CCDC7: variants seen among roughly 807,000 people sequenced by gnomAD.
CCDC7 encodes coiled-coil domain containing 7, also known as coiled-coil domain-containing protein 7.
CCDC7 carries 183 observed loss-of-function variants against 196.9 expected under a neutral mutation model. That is an observed-to-expected ratio of 0.93 (90% confidence interval 0.82 to 1.05). CCDC7 has a LOEUF of 1.05. CCDC7 is among the 50% of genes least tolerant of loss of function. The pLI is 0.00. For missense variants in CCDC7, 1,540 were observed against 1,482.2 expected (o/e 1.04, Z -0.64); for synonymous variants, 525 against 484.6 (o/e 1.08, Z -1.10).
At chr10:32,529,678 G>T (rs1367480440) in intron 11 of CCDC7, among the ~76,000 whole-genome samples, 2 of 152,118 alleles carry the variant, frequency 1.3e-5, no homozygotes, top group Non-Finnish European at 1.5e-5. Context: ...TTAGTCTTTT[G>T]TCAGATGTAT....
intron 15 of CCDC7, 67 bp from the exon 17 acceptor site, chr10:32,571,792 C>T: frequency 7.4e-7 from 1 of 1,359,056 alleles, no homozygotes. Context: ...TGATATTTTT[C>T]TAAATGACTG....
chr10:32,601,982 G>A (rs1454744622), intron 18 of CCDC7, among the ~76,000 whole-genome samples: 5 of 152,156 alleles, frequency 3.3e-5, no homozygotes, highest in East Asian at 1.9e-4. Context: ...CTGGCCACCC[G>A]AGCCAGCAGC....
At chr10:32,865,402 TACACACACACACAC>T (rs57916933) in intron 41 of CCDC7, among the ~76,000 whole-genome samples, 2 of 148,830 alleles carry the variant, frequency 1.3e-5, no homozygotes, top group Admixed American at 6.7e-5. Context: ...ACTCCTATTA[TACACACACACACAC>T]ACACACACAC....
At chr10:32,640,324 T>G (rs1341949314) in intron 20 of CCDC7, among the ~76,000 whole-genome samples, 1 of 152,162 alleles carries the variant, frequency 6.6e-6, no homozygotes, top group East Asian at 1.9e-4. Context: ...TTGATCTTTG[T>G]TGGTTTAAAG....
At chr10:32,762,812 G>GGAGTATT (rs2077663522) in intron 28 of CCDC7, among the ~76,000 whole-genome samples, 1 of 151,644 alleles carries the variant, frequency 6.6e-6, no homozygotes, top group Non-Finnish European at 1.5e-5. Flanking sequence ...ATACTCAAAC[G>GGAGTATT]CAAAATAATG....
chr10:32,692,415 A>G (rs1053238149), intron 23 of CCDC7, among the ~76,000 whole-genome samples: 1 of 152,248 alleles, frequency 6.6e-6, no homozygotes, highest in African/African-American at 2.4e-5. Context: ...TAAATAATAC[A>G]TTAGCATTCT....
At chr10:32,747,595 A>G (rs1435223190) in intron 28 of CCDC7, among the ~76,000 whole-genome samples, 1 of 152,218 alleles carries the variant, frequency 6.6e-6, no homozygotes, top group Non-Finnish European at 1.5e-5. Context: ...GCGGCCAACA[A>G]GCATATGAAA....
chr10:32,625,740 G>T lies in CCDC7; in HGVS notation c.1802-8514G>T, dbSNP rs144529617. 5.9e-5 allele frequency among the ~76,000 whole-genome samples: 9 copies of T among 152,088 alleles called. No homozygotes were observed. In the East Asian group the frequency reaches 1.7e-3, roughly 29 times the overall value. On this transcript the variant is annotated intron_variant, in intron 18 of 41. Transcript: ENST00000639629. ...CATCATCTCTTTATTACCCCCACCT[G>T]CAGCCTGTGCAGCCCCCATTCTGCT...
At chr10:32,558,699 G>A (rs1170171972) in intron 13 of CCDC7, among the ~76,000 whole-genome samples, 5 of 152,190 alleles carry the variant, frequency 3.3e-5, no homozygotes, top group South Asian at 2.1e-4. Context: ...CAAGATGGCC[G>A]AATAGGAACA....
At chr10:32,666,773 CATT>C (rs1334421513) in intron 21 of CCDC7, among the ~76,000 whole-genome samples, 4 of 152,068 alleles carry the variant, frequency 2.6e-5, no homozygotes, top group Non-Finnish European at 5.9e-5. Flanking sequence ...TTCAGTCTAT[CATT>C]GTTGGACATT....
At chr10:32,875,889 T>C (rs1257236085) in intron 41 of CCDC7, among the ~76,000 whole-genome samples, 8 of 152,116 alleles carry the variant, frequency 5.3e-5, no homozygotes, top group Admixed American at 2.6e-4. Context: ...ATATTAAGTA[T>C]ATACATTTTT....
At position 32,492,014 on chromosome 10, in the gene CCDC7, T is replaced by C. The variant is rs750246555; in HGVS notation, c.872+17T>C. 14 of 1,515,028 alleles carry C rather than the reference T, an allele frequency of 9.2e-6. No homozygotes were observed. The highest frequency in any genetic ancestry group is 7.9e-6 in the Non-Finnish European group (9 of 1,138,740). 93.8% of individuals were successfully genotyped at this position (1,515,028 alleles called of 1,614,324 possible). A position where few individuals can be genotyped will look rare whatever the true frequency, so the allele number is the denominator to read the frequency against. On this transcript the variant is annotated intron_variant, in intron 9 of 41. Transcript: ENST00000639629. Reference sequence around the variant, plus strand: ...GTTGGAGAGGTAAGCTTTTTTGTTTTTGCATTTTATTATTTTTCTATTTTT... The same window carrying C: ...GTTGGAGAGGTAAGCTTTTTTGTTTCTGCATTTTATTATTTTTCTATTTTT...
At chr10:32,797,132 TCAA>T (rs755106467) in intron 29 of CCDC7, among the ~76,000 whole-genome samples, 4 of 151,758 alleles carry the variant, frequency 2.6e-5, no homozygotes, top group Non-Finnish European at 5.9e-5. Context: ...TGCCCATCAA[TCAA>T]CGAGTGGATA....
chr10:32,815,289 A>AC (rs1208837032), intron 31 of CCDC7, among the ~76,000 whole-genome samples: 16 of 152,186 alleles, frequency 1.1e-4, no homozygotes, highest in Admixed American at 1.3e-4. Flanking sequence ...GACAATGATT[A>AC]CAAAGTAGTC....
intron 24 of CCDC7, among the ~76,000 whole-genome samples, chr10:32,704,948 C>A (rs1339801408): frequency 6.6e-6 from 1 of 152,132 alleles, no homozygotes; most frequent in African/African-American, 2.4e-5. Flanking sequence ...ATTCCCTGAC[C>A]CCTTGCACTT....
chr10:32,703,323 A>T (rs1009632418), intron 24 of CCDC7, among the ~76,000 whole-genome samples: 2 of 152,030 alleles, frequency 1.3e-5, no homozygotes, highest in Non-Finnish European at 2.9e-5. Flanking sequence ...TCTTTTCTTT[A>T]TGAATGTTGA....
At chr10:32,676,188 A>G (rs974795586) in intron 21 of CCDC7, among the ~76,000 whole-genome samples, 1 of 35,528 alleles carries the variant, frequency 2.8e-5, no homozygotes, top group Non-Finnish European at 8.7e-5. Flanking sequence ...CCATATGTAG[A>G]ATCCCTTCCT....
chr10:32,857,424 A>G (rs1449079080), intron 41 of CCDC7, among the ~76,000 whole-genome samples: 1 of 152,188 alleles, frequency 6.6e-6, no homozygotes. Flanking sequence ...GAATATACCT[A>G]ATACTATTTC....
chr10:32,815,325 T>G (rs1231287941), intron 31 of CCDC7, among the ~76,000 whole-genome samples: 1 of 152,112 alleles, frequency 6.6e-6, no homozygotes, highest in Non-Finnish European at 1.5e-5. Flanking sequence ...TATCATCAAA[T>G]AATTAAAACA....
Sources: allele counts gnomAD v4.1 joint callset (sites outside exome capture counted in the v4.1 genomes callset), GRCh38; gene constraint gnomAD v4.1.1; transcripts MANE v1.5; gene names NCBI Gene and HGNC (gene_info 2026-07-23, HGNC 2026-07-21).